ALK: variants seen among roughly 807,000 people sequenced by gnomAD.
ALK encodes the protein ALK receptor tyrosine kinase, also known as ALK tyrosine kinase receptor.
In ALK, 74 loss-of-function variants were observed where a neutral mutation model predicts 163.1. That is an observed-to-expected ratio of 0.45 (90% confidence interval 0.38 to 0.55). The LOEUF (loss-of-function observed/expected upper bound fraction) is 0.55. ALK is among the 20% of genes least tolerant of loss of function. The pLI is 0.00. For synonymous variants in ALK, 960 were observed against 843.2 expected (o/e 1.14, Z -2.40); for missense variants, 2,063 against 2,105.3 (o/e 0.98, Z 0.39).
In ALK at chr2:29,867,508, C is replaced by T. The variant is rs530376343; in HGVS notation, c.667+52485G>A. On this transcript the variant is annotated intron_variant, in intron 1 of 28. Coordinates refer to ENST00000389048, the MANE Select transcript of ALK (RefSeq NM_004304.5). ...CTGTGTTCATGGTATTCAACAGATT[C>T]GTGAGTTGCAACAAGACCGTTTTGT... Among the ~76,000 whole-genome samples, 56 of 152,254 alleles carry T rather than the reference C, an allele frequency of 3.7e-4. No individual in the cohort carries two copies. In the South Asian group the frequency reaches 7.5e-3, roughly 20 times the overall value.
chr2:29,856,704 G>A (rs1488203445), intron 1 of ALK, among the ~76,000 whole-genome samples: 3 of 152,202 alleles, frequency 2.0e-5, no homozygotes. Context: ...GGATGAGTGG[G>A]TGCATCACCC....
At chr2:29,774,216 T>G (rs1287465115) in intron 1 of ALK, among the ~76,000 whole-genome samples, 1 of 152,204 alleles carries the variant, frequency 6.6e-6, no homozygotes, top group African/African-American at 2.4e-5. Context: ...CCCCTGTTGC[T>G]TTGAAACTCC....
intron 3 of ALK, among the ~76,000 whole-genome samples, chr2:29,598,365 TTTTGTTTGTTTG>T (rs10623988): frequency 6.6e-5 from 10 of 151,424 alleles, no homozygotes; most frequent in South Asian, 2.1e-4. Context: ...GTTGTTTGTT[TTTTGTTTGTTTG>T]TTTGTTTGTT....
rs10202491 is a variant in ALK at position 29,196,572 on chromosome 2, T to C, written c.4164+198A>G. On this transcript the variant is annotated intron_variant, in intron 28 of 28. Coordinates refer to ENST00000389048, the MANE Select transcript of ALK (RefSeq NM_004304.5). The stretch of plus-strand genomic sequence containing the variant: ...TGTCTGGCACTGTGCTGTGTGCTGG[T>C]GAAGTTACTAATATTTATTTTACAA... Among the ~76,000 whole-genome samples, 3,593 of 152,318 alleles carry C rather than the reference T, an allele frequency of 0.024. 140 individuals carry two copies. The highest frequency in any genetic ancestry group is 0.082 in the African/African-American group (3,416 of 41,560).
chr2:29,834,814 G>A (rs1665514549), intron 1 of ALK, among the ~76,000 whole-genome samples: 1 of 152,186 alleles, frequency 6.6e-6, no homozygotes, highest in African/African-American at 2.4e-5. Flanking sequence ...AACACAGAAA[G>A]ACCAGAGTTT....
At chr2:29,458,784 T>C (rs1363565871) in intron 4 of ALK, among the ~76,000 whole-genome samples, 2 of 152,144 alleles carry the variant, frequency 1.3e-5, no homozygotes, top group Admixed American at 6.5e-5. Flanking sequence ...GTTGCTGCCA[T>C]GATTGAGTGC....
At chr2:29,784,713 A>AACAAAAAC (rs145281816) in intron 1 of ALK, among the ~76,000 whole-genome samples, 2 of 150,740 alleles carry the variant, frequency 1.3e-5, no homozygotes, top group African/African-American at 4.9e-5. Flanking sequence ...ACAACAACAA[A>AACAAAAAC]AACAACAACA....
intron 5 of ALK, among the ~76,000 whole-genome samples, chr2:29,337,161 G>A (rs941620520): frequency 1.3e-5 from 2 of 152,228 alleles, no homozygotes; most frequent in African/African-American, 4.8e-5. Flanking sequence ...CCTGAGAACT[G>A]TGTAAATTAA....
rs2148197023 is a variant in ALK at position 29,251,036 on chromosome 2, C to T, written c.2204+69G>A. ...CCTGGGCACCCCAGGAACATGCACCCATAGGCAAGACTCCAGGCTTCTTCG... is the reference window on the plus strand; with the variant it reads ...CCTGGGCACCCCAGGAACATGCACCTATAGGCAAGACTCCAGGCTTCTTCG... On this transcript the variant is annotated intron_variant, in intron 12 of 28. Transcript: ENST00000389048. The T allele has an allele frequency of 2.6e-6, 4 of 1,535,626 alleles. No individual in the cohort carries two copies. The South Asian group carries it at 4.8e-5, about 19-fold the overall frequency.
chr2:29,407,605 G>C (rs1037522795), intron 4 of ALK, among the ~76,000 whole-genome samples: 1 of 152,206 alleles, frequency 6.6e-6, no homozygotes, highest in Non-Finnish European at 1.5e-5. Context: ...ACCAAGCAAG[G>C]CTCTTTGGAT....
intron 9 of ALK, among the ~76,000 whole-genome samples, chr2:29,278,454 C>G (rs1369181421): frequency 6.6e-6 from 1 of 152,102 alleles, no homozygotes; most frequent in Non-Finnish European, 1.5e-5. Context: ...GCAGGGGAGA[C>G]AGCATGAGAG....
At chr2:29,544,844 A>G (rs1313514440) in intron 3 of ALK, among the ~76,000 whole-genome samples, 1 of 152,138 alleles carries the variant, frequency 6.6e-6, no homozygotes, top group African/African-American at 2.4e-5. Context: ...CTAGACATAA[A>G]CATGATTGTC....
chr2:29,816,456 A>T (rs1664901333), intron 1 of ALK, among the ~76,000 whole-genome samples: 1 of 152,198 alleles, frequency 6.6e-6, no homozygotes. Context: ...ATTATCAGTG[A>T]ATGCCTACTT....
chr2:29,872,425 T>C (rs1666600687), intron 1 of ALK, among the ~76,000 whole-genome samples: 2 of 152,208 alleles, frequency 1.3e-5, no homozygotes, highest in African/African-American at 4.8e-5. Flanking sequence ...ATTGAAAATA[T>C]TGTAAGTCAA....
chr2:29,645,023 A>T (rs1676831358), intron 3 of ALK, among the ~76,000 whole-genome samples: 1 of 152,138 alleles, frequency 6.6e-6, no homozygotes, highest in African/African-American at 2.4e-5. Flanking sequence ...GAGGCCTTGG[A>T]GATGTCCCAA....
chr2:29,248,034 A>G (rs541516721), intron 12 of ALK, among the ~76,000 whole-genome samples: 1 of 152,218 alleles, frequency 6.6e-6, no homozygotes, highest in East Asian at 1.9e-4. Flanking sequence ...AAATCAAATC[A>G]TTAACTGTCT....
intron 4 of ALK, among the ~76,000 whole-genome samples, chr2:29,447,072 A>G (rs13401564): frequency 0.024 from 3,581 of 152,288 alleles, 157 homozygotes; most frequent in African/African-American, 0.082. Context: ...CCTCCTTGGC[A>G]ATGTGGCCAC....
intron 3 of ALK, among the ~76,000 whole-genome samples, chr2:29,562,704 T>G (rs1298652139): frequency 6.6e-6 from 1 of 152,202 alleles, no homozygotes; most frequent in Non-Finnish European, 1.5e-5. Flanking sequence ...AAAATACTCA[T>G]CCAGTGAATG....
intron 3 of ALK, among the ~76,000 whole-genome samples, chr2:29,662,782 A>G (rs1194360287): frequency 1.3e-5 from 2 of 152,160 alleles, no homozygotes; most frequent in Non-Finnish European, 2.9e-5. Flanking sequence ...ATTTTTCCAA[A>G]TAAAGACAGC....
Sources: allele counts gnomAD v4.1 joint callset (sites outside exome capture counted in the v4.1 genomes callset), GRCh38; gene constraint gnomAD v4.1.1; transcripts MANE v1.5; gene names NCBI Gene and HGNC (gene_info 2026-07-23, HGNC 2026-07-21).